NUDCD1: variants seen among roughly 807,000 people sequenced by gnomAD.
NUDCD1 encodes the protein NudC domain containing 1, also known as nudC domain-containing protein 1.
Under a neutral mutation model 67.8 loss-of-function variants are expected in NUDCD1, and 60 were observed. The ratio of observed to expected loss-of-function variants is 0.88; its 90% CI spans 0.72 to 1.10. The LOEUF is 1.10. Ranked by LOEUF, NUDCD1 falls within the 50% of genes least tolerant of loss-of-function variation. The probability of loss-of-function intolerance (pLI) is 0.00; values close to 1 mark genes in which losing one functional copy is unlikely to be tolerated. For missense variants in NUDCD1, 643 were observed against 695.0 expected, an observed-to-expected ratio of 0.93 and a Z score of 0.84; for synonymous variants, 244 against 230.8, an observed-to-expected ratio of 1.06 and a Z score of -0.52.
chr8:109,270,080 G>C (rs1280571959), intron 8 of NUDCD1, among the ~76,000 whole-genome samples: 1 of 20,058 alleles, frequency 5.0e-5, no homozygotes, highest in South Asian at 4.5e-3. Context: ...GGGGGGGGGG[G>C]GGTGCCTTAA....
chr8:109,259,060 C>CT (rs1243132787), intron 8 of NUDCD1, among the ~76,000 whole-genome samples: 1 of 152,214 alleles, frequency 6.6e-6, no homozygotes, highest in African/African-American at 2.4e-5. Flanking sequence ...CTCACATTTT[C>CT]TGCATATCTT....
At chr8:109,333,458 C>T (rs965543751) in intron 1 of NUDCD1, among the ~76,000 whole-genome samples, 7 of 152,174 alleles carry the variant, frequency 4.6e-5, no homozygotes, top group African/African-American at 1.4e-4. Context: ...TTCTAAGAAA[C>T]GGCTCTCGGT....
At chr8:109,276,363 T>C (rs1192495657) in intron 6 of NUDCD1, among the ~76,000 whole-genome samples, 1 of 152,214 alleles carries the variant, frequency 6.6e-6, no homozygotes, top group Non-Finnish European at 1.5e-5. Flanking sequence ...TGGTAATAGC[T>C]ATTCCACAAC....
chr8:109,313,743 ATTC>A (rs1815317407), intron 2 of NUDCD1: 1 of 490,880 alleles, frequency 2.0e-6, no homozygotes, highest in African/African-American at 2.0e-5. Context: ...TTAAATTACT[ATTC>A]TTCATTTTAT....
intron 1 of NUDCD1, among the ~76,000 whole-genome samples, chr8:109,332,339 C>T (rs1420098352): frequency 6.6e-6 from 1 of 152,072 alleles, no homozygotes; most frequent in East Asian, 1.9e-4. Flanking sequence ...TGGAGCTGAC[C>T]GGACTTGCTA....
chr8:109,268,350 G>T (rs558401661), intron 8 of NUDCD1, among the ~76,000 whole-genome samples: 29 of 152,310 alleles, frequency 1.9e-4, no homozygotes, highest in African/African-American at 6.3e-4. Context: ...CAGAGCTGAT[G>T]TAACATTGCC....
chr8:109,289,071 G>A (rs1236622950), intron 5 of NUDCD1, among the ~76,000 whole-genome samples: 2 of 151,804 alleles, frequency 1.3e-5, no homozygotes, highest in Non-Finnish European at 2.9e-5. Flanking sequence ...TGCCTCCTGG[G>A]TTCAAGTGAT....
intron 2 of NUDCD1, among the ~76,000 whole-genome samples, chr8:109,318,302 A>C (rs1307382023): frequency 6.6e-6 from 1 of 152,240 alleles, no homozygotes; most frequent in Admixed American, 6.5e-5. Flanking sequence ...TCTGACTTCG[A>C]GTCAGAAAAT....
intron 8 of NUDCD1, among the ~76,000 whole-genome samples, chr8:109,248,360 C>T (rs1271883507): frequency 6.6e-6 from 1 of 152,228 alleles, no homozygotes; most frequent in Non-Finnish European, 1.5e-5. Flanking sequence ...AGCAACCTAA[C>T]ATACCACCCA....
chr8:109,312,078 G>A (rs949109704), intron 2 of NUDCD1, among the ~76,000 whole-genome samples: 3 of 152,084 alleles, frequency 2.0e-5, no homozygotes, highest in South Asian at 2.1e-4. Context: ...CAAGGCAGGC[G>A]AATCACCTGA....
chr8:109,296,233 T>C (rs1380485304), intron 3 of NUDCD1, 151 bp downstream of exon 3: 16 of 646,744 alleles, frequency 2.5e-5, no homozygotes, highest in Admixed American at 8.6e-5. Context: ...ATATATGTTA[T>C]AATTTAGTTA....
chr8:109,329,976 T>A, intron 1 of NUDCD1: 4 of 1,269,594 alleles, frequency 3.2e-6, no homozygotes, highest in Non-Finnish European at 3.0e-6. Flanking sequence ...ATAGTGTAGA[T>A]TCTGACTAGT....
At chr8:109,262,923 C>T (rs377139492) in intron 8 of NUDCD1, among the ~76,000 whole-genome samples, 6 of 151,460 alleles carry the variant, frequency 4.0e-5, no homozygotes, top group East Asian at 1.9e-4. Context: ...GGTCTAATGG[C>T]GGGCACCTGT....
chr8:109,295,175 T>C (rs1429765500), intron 3 of NUDCD1, among the ~76,000 whole-genome samples: 1 of 152,178 alleles, frequency 6.6e-6, no homozygotes, highest in Non-Finnish European at 1.5e-5. Context: ...TAAGCCCATA[T>C]GAAATAATGT....
chr8:109,277,245 T>C (rs1006898105), intron 6 of NUDCD1, among the ~76,000 whole-genome samples: 10 of 152,206 alleles, frequency 6.6e-5, no homozygotes, highest in African/African-American at 2.2e-4. Context: ...TCTTCACTAC[T>C]GCACTATTCT....
intron 2 of NUDCD1, among the ~76,000 whole-genome samples, chr8:109,308,753 C>T (rs1210879025): frequency 2.0e-5 from 3 of 151,924 alleles, no homozygotes; most frequent in Non-Finnish European, 2.9e-5. Flanking sequence ...GGGTGAATCA[C>T]GAGGTCAGGA....
intron 2 of NUDCD1, among the ~76,000 whole-genome samples, chr8:109,306,627 T>C (rs1270981680): frequency 7.5e-6 from 1 of 132,574 alleles, no homozygotes; most frequent in African/African-American, 2.5e-5. Context: ...AATAATTATG[T>C]TGAACCCCCC....
At chr8:109,262,626 A>G (rs933615068) in intron 8 of NUDCD1, among the ~76,000 whole-genome samples, 4 of 152,204 alleles carry the variant, frequency 2.6e-5, no homozygotes, top group African/African-American at 9.6e-5. Context: ...ACATTCTTCC[A>G]AAGTAAATCA....
intron 8 of NUDCD1, among the ~76,000 whole-genome samples, chr8:109,251,952 G>A (rs1215795525): frequency 1.3e-5 from 2 of 151,796 alleles, no homozygotes; most frequent in East Asian, 1.9e-4. Context: ...TTTCATCTTC[G>A]TTCAATACAA....
Sources: gnomAD v4.1 joint callset for allele counts (sites outside exome capture counted in the v4.1 genomes callset) on GRCh38, gnomAD v4.1.1 for gene constraint, MANE v1.5 for transcripts, NCBI Gene and HGNC (gene_info 2026-07-23, HGNC 2026-07-21) for gene names.